Variants in DENND11 observed in about 807,000 individuals in gnomAD.
DENND11 encodes DENN domain-containing protein 11.
DENND11 carries 34 observed loss-of-function variants against 49.2 expected under a neutral mutation model. The observed-to-expected ratio is 0.69, with a 90% CI of 0.53 to 0.92. DENND11 has a LOEUF of 0.92. Among genes scored for constraint, DENND11 ranks in the 40% least tolerant of loss-of-function variants. DENND11 has a pLI of 0.00. For missense variants in DENND11, 475 were observed against 581.6 expected (o/e 0.82, Z 1.88); for synonymous variants, 238 against 230.3 (o/e 1.03, Z -0.30).
chr7:141,663,819 G>T, intron 8 of DENND11: 1 of 240,846 alleles, frequency 4.2e-6, no homozygotes, highest in East Asian at 8.2e-5. Context: ...AATATTCAGC[G>T]CAAGGAACTA....
Position 141,685,029 on chromosome 7 carries a change from AAT to A in DENND11, c.527+447_527+448del, listed in dbSNP as rs1167922771. The stretch of plus-strand genomic sequence containing the variant: ...GTCTCTACCAAAAAAAAAAAAAAAA[AAT>A]ATATATATATATATATATATATATA... On this transcript the variant is annotated intron_variant, in intron 3 of 8. Transcript: ENST00000536163. Among the ~76,000 whole-genome samples, 861 of 91,372 alleles carry A rather than the reference AAT, an allele frequency of 9.4e-3. 26 individuals carry two copies. The highest frequency in any genetic ancestry group is 0.03 in the Middle Eastern group (3 of 100). 59.9% of individuals were successfully genotyped at this position (91,372 alleles called of 152,430 possible).
At chr7:141,677,376 CGA>C (rs1239662320) in intron 3 of DENND11, among the ~76,000 whole-genome samples, 4 of 130,488 alleles carry the variant, frequency 3.1e-5, no homozygotes, top group Non-Finnish European at 6.3e-5. Context: ...GGTGACAGAG[CGA>C]GACTCTTGTC....
chr7:141,666,548 G>A (rs1797896927), intron 4 of DENND11, 123 bp from the exon 5 acceptor site: 1 of 933,912 alleles, frequency 1.1e-6, no homozygotes, highest in Admixed American at 3.2e-5. Flanking sequence ...TACATTAAAG[G>A]ATGCTTATTT....
intron 1 of DENND11, among the ~76,000 whole-genome samples, chr7:141,697,748 T>A (rs1221271986): frequency 1.3e-5 from 2 of 149,538 alleles, no homozygotes; most frequent in African/African-American, 4.9e-5. Flanking sequence ...CTCCATTGTT[T>A]AAAAAAAAAA....
intron 1 of DENND11, among the ~76,000 whole-genome samples, chr7:141,697,748 TA>T (rs968230241): frequency 3.2e-4 from 48 of 149,598 alleles, no homozygotes; most frequent in Admixed American, 5.3e-4. Context: ...CTCCATTGTT[TA>T]AAAAAAAAAT....
chr7:141,689,345 C>T (rs760897165), intron 1 of DENND11, among the ~76,000 whole-genome samples: 105 of 152,146 alleles, frequency 6.9e-4, no homozygotes, highest in Admixed American at 2.5e-3. Context: ...AGCAAACTAA[C>T]ATGGGAACAG....
chr7:141,664,281 GGACCGC>G, intron 7 of DENND11, 41 bp from the exon 8 acceptor site: 3 of 1,514,356 alleles, frequency 2.0e-6, no homozygotes, highest in Non-Finnish European at 1.8e-6. Flanking sequence ...GCAGGTACCA[GGACCGC>G]AGTCACAGGT....
rs1234185694 is a variant in DENND11, at chr7:141,657,632, G to T, written c.*5024C>A. 6.6e-6 allele frequency: 1 copy of T among 152,210 alleles called. No individual in the cohort carries two copies. Among genetic ancestry groups the T allele is most frequent in the Non-Finnish European group, 1.5e-5 (1 of 68,026 alleles). 9.4% of individuals were successfully genotyped at this position (152,210 alleles called of 1,614,324 possible). A position where few individuals can be genotyped will look rare whatever the true frequency, so the allele number is the denominator to read the frequency against. On this transcript the variant is annotated 3_prime_UTR_variant, in exon 9 of 9. Coordinates refer to ENST00000536163, the MANE Select transcript of DENND11 (RefSeq NM_001080392.2). ...AATAAGCATTCTATAGCAAACATAAGTAATTCACACCTGGCCTACTATGAA... is the reference window on the plus strand; with the variant it reads ...AATAAGCATTCTATAGCAAACATAATTAATTCACACCTGGCCTACTATGAA...
At chr7:141,684,674 G>C (rs1798202908) in intron 3 of DENND11, among the ~76,000 whole-genome samples, 1 of 152,024 alleles carries the variant, frequency 6.6e-6, no homozygotes, top group Admixed American at 6.6e-5. Context: ...AATTTTAAAA[G>C]TATAGACTAT....
chr7:141,667,412 CTG>C (rs931717462), intron 4 of DENND11, among the ~76,000 whole-genome samples: 5 of 152,206 alleles, frequency 3.3e-5, no homozygotes, highest in African/African-American at 4.8e-5. Context: ...CTATCCTTAA[CTG>C]TGAAATACGG....
chr7:141,678,657 A>G (rs578047544), intron 3 of DENND11, among the ~76,000 whole-genome samples: 185 of 152,330 alleles, frequency 1.2e-3, no homozygotes, highest in African/African-American at 4.3e-3. Context: ...CATTTCATTG[A>G]TAAGTGCTTT....
At chr7:141,687,116 G>C (rs1270546001) in intron 1 of DENND11, among the ~76,000 whole-genome samples, 3 of 152,072 alleles carry the variant, frequency 2.0e-5, no homozygotes, top group Non-Finnish European at 4.4e-5. Flanking sequence ...TTACCTCTAG[G>C]TAGCATTTGC....
At position 141,674,233 on chromosome 7, in the gene DENND11, AC is replaced by A; in HGVS notation, c.528-14del. Reference sequence around the variant, plus strand: ...CTCCAACTGGTGCCTGCAGAAAAACACACACACACACACACACACACACACA... The same window carrying A: ...CTCCAACTGGTGCCTGCAGAAAAACAACACACACACACACACACACACACA... On this transcript the variant is annotated splice_polypyrimidine_tract_variant and intron_variant, in intron 3 of 8. Coordinates refer to ENST00000536163, the MANE Select transcript of DENND11 (RefSeq NM_001080392.2). 1.2e-6 allele frequency: 1 copy of A among 835,758 alleles called. No homozygotes were observed. The highest frequency in any genetic ancestry group is 1.8e-6 in the Non-Finnish European group (1 of 570,920). 51.8% of individuals were successfully genotyped at this position (835,758 alleles called of 1,614,324 possible).
chr7:141,678,010 T>A (rs1277886789), intron 3 of DENND11, among the ~76,000 whole-genome samples: 1 of 152,102 alleles, frequency 6.6e-6, no homozygotes, highest in African/African-American at 2.4e-5. Flanking sequence ...TTGCCCAGGC[T>A]GGAGTGCAGT....
chr7:141,671,709 T>G (rs1797983176), intron 4 of DENND11, among the ~76,000 whole-genome samples: 1 of 152,166 alleles, frequency 6.6e-6, no homozygotes, highest in African/African-American at 2.4e-5. Flanking sequence ...GCTGGTCACC[T>G]CCCTGTGGAT....
Position 141,661,207 on chromosome 7 carries a change from C to T in DENND11, c.*1449G>A, listed in dbSNP as rs1797787485. 6.6e-6 allele frequency: 1 copy of T among 152,164 alleles called. No homozygotes were observed. The highest frequency in any genetic ancestry group is 6.5e-5 in the Admixed American group (1 of 15,284). The allele number at this position is 152,164 out of a possible 1,614,324, so 9.4% of individuals were successfully genotyped here. A position where few individuals can be genotyped will look rare whatever the true frequency, so the allele number is the denominator to read the frequency against. Reference sequence around the variant, plus strand: ...GATGCACTGACGGCTATTCCCATAACCGAGCCAGGCGGGAAGGGGGAAAAG... The same window carrying T: ...GATGCACTGACGGCTATTCCCATAATCGAGCCAGGCGGGAAGGGGGAAAAG... On this transcript the variant is annotated 3_prime_UTR_variant, in exon 9 of 9. Coordinates refer to ENST00000536163, the MANE Select transcript of DENND11 (RefSeq NM_001080392.2).
chr7:141,656,913 T>G lies in DENND11; in HGVS notation c.*5743A>C, dbSNP rs920326155. On this transcript the variant is annotated 3_prime_UTR_variant, in exon 9 of 9. Coordinates refer to ENST00000536163, the MANE Select transcript of DENND11 (RefSeq NM_001080392.2). ...AGCTTCAGGATTAACCCCAGCTTTC[T>G]TTAGGCCTTAAAATTACCACCACTG... 1 of 153,066 alleles carries G rather than the reference T, an allele frequency of 6.5e-6. No individual in the cohort carries two copies. The highest frequency in any genetic ancestry group is 1.9e-4 in the East Asian group (1 of 5,198). 9.5% of individuals were successfully genotyped at this position (153,066 alleles called of 1,614,324 possible). A position where few individuals can be genotyped will look rare whatever the true frequency, so the allele number is the denominator to read the frequency against.
At chr7:141,670,840 T>C (rs1797969551) in intron 4 of DENND11, among the ~76,000 whole-genome samples, 1 of 152,206 alleles carries the variant, frequency 6.6e-6, no homozygotes, top group South Asian at 2.1e-4. Flanking sequence ...AGTTGAGGAG[T>C]ATCTGTATAT....
intron 1 of DENND11, among the ~76,000 whole-genome samples, chr7:141,692,094 A>C (rs1484363032): frequency 6.6e-6 from 1 of 152,208 alleles, no homozygotes; most frequent in East Asian, 1.9e-4. Flanking sequence ...CAAATGGTTC[A>C]GGAAAAAAAG....
Sources: allele counts gnomAD v4.1 joint callset (sites outside exome capture counted in the v4.1 genomes callset), GRCh38; gene constraint gnomAD v4.1.1; transcripts MANE v1.5; gene names NCBI Gene and HGNC (gene_info 2026-07-23, HGNC 2026-07-21).